The following ADAM19 variants were observed in gnomAD, a reference collection of about 807,000 sequenced individuals.
ADAM19 encodes disintegrin and metalloproteinase domain-containing protein 19.
Under a neutral mutation model 114.7 loss-of-function variants are expected in ADAM19, and 65 were observed. The observed-to-expected ratio is 0.57, with a 90% CI of 0.46 to 0.70. The LOEUF (loss-of-function observed/expected upper bound fraction) is 0.70. Ranked by LOEUF, ADAM19 falls within the 30% of genes least tolerant of loss-of-function variation. The pLI is 0.00. For synonymous variants in ADAM19, 466 were observed against 460.5 expected, an observed-to-expected ratio of 1.01 and a Z score of -0.15; for missense variants, 1,063 against 1,204.7, an observed-to-expected ratio of 0.88 and a Z score of 1.74.
intron 2 of ADAM19, chr5:157,567,980 CT>C (rs1313007688): frequency 3.0e-3 from 430 of 142,956 alleles, no homozygotes; most frequent in Middle Eastern, 7.2e-3. Flanking sequence ...GAATAGTAAT[CT>C]TTTTTTTTTT....
chr5:157,513,786 T>A (rs1756005888), intron 7 of ADAM19, among the ~76,000 whole-genome samples: 1 of 152,198 alleles, frequency 6.6e-6, no homozygotes, highest in African/African-American at 2.4e-5. Context: ...TTGAAGCACA[T>A]CTTATTCTCC....
intron 7 of ADAM19, among the ~76,000 whole-genome samples, 184 bp downstream of exon 7, chr5:157,518,639 C>T (rs1200873407): frequency 1.3e-5 from 2 of 152,386 alleles, no homozygotes; most frequent in East Asian, 3.9e-4. Context: ...CCGCCTTGCC[C>T]ACCCAAAGTG....
rs1488869243 is a variant in ADAM19 at position 157,505,786 on chromosome 5, C to T, written c.1013G>A (p.Gly338Asp). ...VNMDHSENAIGVAATMAHEMG... is the reference protein window; with the variant it reads ...VNMDHSENAIDVAATMAHEMG... Reference sequence around the variant, plus strand: ...CTCGTGGGCCATGGTGGCAGCCACGCCAATGGCATTCTCGGAGTGGTCCTG... The same window carrying T: ...CTCGTGGGCCATGGTGGCAGCCACGTCAATGGCATTCTCGGAGTGGTCCTG... Residue 338 changes from glycine to aspartate, a missense_variant, in exon 11 of 23, where the codon GGC becomes GAC. Physicochemically the swap from Gly to Asp is moderately conservative, Grantham distance 94 (BLOSUM62 -1). Transcript: ENST00000257527. The T allele has an allele frequency of 6.2e-7, 1 of 1,614,092 alleles. No individual in the cohort carries two copies. Among genetic ancestry groups the T allele is most frequent in the Non-Finnish European group, 8.5e-7 (1 of 1,179,976 alleles).
rs1581279549 is a variant in ADAM19 at position 157,480,526 on chromosome 5, G to T, written c.*423C>A. ...CTCCATCCAGCCCGGGACCTCTGAGGAGAGCAGAAGCAATGGGAAGCTCTC... is the reference window on the plus strand; with the variant it reads ...CTCCATCCAGCCCGGGACCTCTGAGTAGAGCAGAAGCAATGGGAAGCTCTC... On this transcript the variant is annotated 3_prime_UTR_variant, in exon 23 of 23. Coordinates refer to ENST00000257527, the MANE Select transcript of ADAM19 (RefSeq NM_033274.5). The T allele has an allele frequency of 4.0e-6, 4 of 1,010,246 alleles. No individual in the cohort carries two copies. Among genetic ancestry groups the T allele is most frequent in the Non-Finnish European group, 3.5e-6 (3 of 845,398 alleles). The allele number at this position is 1,010,246 out of a possible 1,614,324, so 62.6% of individuals were successfully genotyped here. A position where few individuals can be genotyped will look rare whatever the true frequency, so the allele number is the denominator to read the frequency against.
intron 3 of ADAM19, among the ~76,000 whole-genome samples, chr5:157,556,390 TG>T (rs1180649665): frequency 6.6e-6 from 1 of 151,960 alleles, no homozygotes; most frequent in African/African-American, 2.4e-5. Context: ...AGCTAATTTT[TG>T]TATTTTTAGT....
chr5:157,513,226 GA>G (rs199848620), intron 8 of ADAM19, among the ~76,000 whole-genome samples: 8 of 151,188 alleles, frequency 5.3e-5, no homozygotes, highest in African/African-American at 1.5e-4. Context: ...CAGAACAAAA[GA>G]AAAAAAAATG....
chr5:157,529,380 T>C (rs1253509678), intron 5 of ADAM19, among the ~76,000 whole-genome samples: 1 of 151,962 alleles, frequency 6.6e-6, no homozygotes, highest in African/African-American at 2.4e-5. Flanking sequence ...ACTTATTATG[T>C]CAACATACAT....
At chr5:157,542,006 C>T (rs1229959078) in intron 3 of ADAM19, among the ~76,000 whole-genome samples, 1 of 152,172 alleles carries the variant, frequency 6.6e-6, no homozygotes, top group South Asian at 2.1e-4. Context: ...GCTGACACCT[C>T]CTTTCTCTGG....
intron 5 of ADAM19, among the ~76,000 whole-genome samples, chr5:157,526,624 A>ATT (rs34746765): frequency 0.014 from 1,978 of 145,512 alleles, 53 homozygotes; most frequent in African/African-American, 0.045. Context: ...TATTGGTGTC[A>ATT]TTTTTTTTTT....
At chr5:157,570,832 G>A in intron 2 of ADAM19, 63 bp downstream of exon 2, 1 of 1,404,730 alleles carries the variant, frequency 7.1e-7, no homozygotes, top group Non-Finnish European at 1.0e-6. Flanking sequence ...AGAAAGTTGA[G>A]TAGGTAGCCC....
At chr5:157,548,318 T>C (rs944762239) in intron 3 of ADAM19, among the ~76,000 whole-genome samples, 2 of 152,182 alleles carry the variant, frequency 1.3e-5, no homozygotes, top group African/African-American at 4.8e-5. Context: ...CTAAGCCCCA[T>C]GATGGCAGAG....
rs772640917 is a variant in ADAM19 at position 157,488,278 on chromosome 5, C to T, written c.2537G>A (p.Cys846Tyr). Reference sequence around the variant, plus strand: ...TTATCCACTTACCTGGGAAACGATGCAATTTGGTGCGGGGGGAATTGGCCG... The same window carrying T: ...TTATCCACTTACCTGGGAAACGATGTAATTTGGTGCGGGGGGAATTGGCCG... ...PSRPIPPAPN[C>Y]IVSQDFSRPR... Residue 846 changes from cysteine to tyrosine, a missense_variant, in exon 21 of 23, where the codon TGC becomes TAC. Physicochemically the swap from Cys to Tyr is radical, Grantham distance 194. This residue lies in a region of ADAM19 where 424 missense variants were observed against 445.5 expected (regional missense o/e 0.95). Transcript: ENST00000257527. The T allele has an allele frequency of 6.2e-7, 1 of 1,613,062 alleles. No individual in the cohort carries two copies. Among genetic ancestry groups the T allele is most frequent in the African/African-American group, 1.3e-5 (1 of 75,008 alleles).
chr5:157,536,995 G>A (rs953144971), intron 4 of ADAM19, among the ~76,000 whole-genome samples: 2 of 152,186 alleles, frequency 1.3e-5, no homozygotes, highest in Admixed American at 6.5e-5. Context: ...ATGGTCATTC[G>A]AATCCAGGGT....
At chr5:157,507,955 A>G (rs1044688647) in intron 9 of ADAM19, among the ~76,000 whole-genome samples, 1 of 152,244 alleles carries the variant, frequency 6.6e-6, no homozygotes, top group East Asian at 1.9e-4. Context: ...CTAGACCATG[A>G]TATCTTTGAC....
chr5:157,503,657 A>G (rs146242978), intron 11 of ADAM19, among the ~76,000 whole-genome samples: 103 of 152,350 alleles, frequency 6.8e-4, no homozygotes, highest in African/African-American at 2.4e-3. Context: ...AGTGTGTTAC[A>G]AGAGGTCTCC....
intron 5 of ADAM19, among the ~76,000 whole-genome samples, chr5:157,520,690 C>T (rs1756260483): frequency 6.6e-6 from 1 of 152,220 alleles, no homozygotes; most frequent in Admixed American, 6.5e-5. Context: ...GGTCTTTGTG[C>T]TTGGAAACCA....
intron 3 of ADAM19, among the ~76,000 whole-genome samples, chr5:157,559,993 C>T (rs1021814823): frequency 1.3e-5 from 2 of 151,996 alleles, no homozygotes; most frequent in East Asian, 1.9e-4. Context: ...AGGCCGGGCG[C>T]GGTGGCTCAC....
intron 4 of ADAM19, among the ~76,000 whole-genome samples, chr5:157,534,885 C>G (rs78859166): frequency 0.021 from 3,187 of 152,312 alleles, 99 homozygotes; most frequent in African/African-American, 0.072. Flanking sequence ...CCTCTCCCAG[C>G]AGTAGCAAAG....
chr5:157,492,223 C>CA (rs1314243605), intron 16 of ADAM19, among the ~76,000 whole-genome samples: 1 of 152,098 alleles, frequency 6.6e-6, no homozygotes, highest in Non-Finnish European at 1.5e-5. Flanking sequence ...GCCTGGGAGA[C>CA]AGAGGTTGCA....
Sources: allele counts gnomAD v4.1 joint callset (sites outside exome capture counted in the v4.1 genomes callset), GRCh38; gene constraint gnomAD v4.1.1; regional missense constraint gnomAD v4.1.1; transcripts MANE v1.5; gene names NCBI Gene and HGNC (gene_info 2026-07-23, HGNC 2026-07-21).